The following SLC44A2 variants were observed in gnomAD, a reference collection of about 807,000 sequenced individuals.
SLC44A2 encodes solute carrier family 44 member 2 (CTL2 blood group), also known as choline transporter-like protein 2.
SLC44A2 carries 57 observed loss-of-function variants against 90.8 expected under a neutral mutation model. The ratio of observed to expected loss-of-function variants is 0.63; its 90% CI spans 0.51 to 0.78. The LOEUF (loss-of-function observed/expected upper bound fraction) is 0.78. Ranked by LOEUF, SLC44A2 falls within the 30% of genes least tolerant of loss-of-function variation. The pLI is 0.00. For synonymous variants in SLC44A2, 355 were observed against 360.7 expected (o/e 0.98, Z 0.18); for missense variants, 794 against 919.7 (o/e 0.86, Z 1.77).
At position 10,632,144 on chromosome 19, in the gene SLC44A2, G is replaced by A. The variant is rs1038240829; in HGVS notation, c.811G>A (p.Val271Met). 6.8e-6 allele frequency: 11 copies of A among 1,613,864 alleles called. No homozygotes were observed. The highest frequency in any genetic ancestry group is 2.2e-5 in the South Asian group (2 of 91,078). The change falls in exon 10 of 22, where the codon GTG (valine) becomes ATG (methionine). Residue 271 changes from valine to methionine, a missense_variant. Physicochemically the swap from Val to Met is conservative, Grantham distance 21. This residue lies in a region of SLC44A2 where 738 missense variants were observed against 841.1 expected (regional missense o/e 0.88). Transcript: ENST00000335757. ...GGTGATGATCATCATGGTGATTCTG[G>A]TGCTGGGCTACGGTGCGTCACCCCC... ...VWVMIIMVIL[V>M]LGYGIFHCYM...
At chr19:10,618,557 G>T (rs1288448167) in intron 1 of SLC44A2, among the ~76,000 whole-genome samples, 12 of 123,484 alleles carry the variant, frequency 9.7e-5, no homozygotes, top group East Asian at 2.5e-4. Flanking sequence ...TCGGCTCACT[G>T]CAAGCTCCGC....
intron 1 of SLC44A2, among the ~76,000 whole-genome samples, chr19:10,619,793 A>G (rs984496144): frequency 2.6e-5 from 4 of 152,028 alleles, no homozygotes; most frequent in Non-Finnish European, 1.5e-5. Context: ...CATCTCTACT[A>G]AAATACAAAA....
chr19:10,637,581 G>GGGGAT, intron 16 of SLC44A2, 63 bp from the exon 17 acceptor site: 1 of 1,437,724 alleles, frequency 7.0e-7, no homozygotes, highest in South Asian at 1.1e-5. Context: ...ATAGGGAAGA[G>GGGGAT]GGGATCCCTT....
At chr19:10,636,266 C>G (rs2067052716) in intron 14 of SLC44A2, 57 bp from the exon 15 acceptor site, 1 of 1,560,972 alleles carries the variant, frequency 6.4e-7, no homozygotes, top group African/African-American at 1.4e-5. Context: ...ATGCTCAGAG[C>G]CCACTGTGAA....
chr19:10,635,773 CT>C (rs773477557), intron 14 of SLC44A2: 28,997 of 205,248 alleles, frequency 0.14, 401 homozygotes, highest in South Asian at 0.25. Flanking sequence ...TCCCTACTTC[CT>C]TTTTTTTTTT....
intron 16 of SLC44A2, chr19:10,637,010 T>C (rs1293420925): frequency 6.0e-6 from 3 of 502,130 alleles, no homozygotes; most frequent in Admixed American, 6.9e-5. Flanking sequence ...CATTGGTTAT[T>C]ACCAGAGTGA....
chr19:10,635,514 A>G lies in SLC44A2; in HGVS notation c.1232A>G (p.Glu411Gly). 6.2e-7 allele frequency: 1 copy of G among 1,612,740 alleles called. No homozygotes were observed. The highest frequency in any genetic ancestry group is 8.5e-7 in the Non-Finnish European group (1 of 1,179,666). The change falls in exon 14 of 22, where the codon GAG becomes GGG. Residue 411 changes from glutamate (E) to glycine (G), a missense_variant and splice_region_variant. By Grantham distance (98) the Glu-to-Gly change is moderately conservative. Coordinates refer to ENST00000335757, the MANE Select transcript of SLC44A2 (RefSeq NM_020428.4). ...CPFTAKTCNPETFPSSNESRQ... is the reference protein window; with the variant it reads ...CPFTAKTCNPGTFPSSNESRQ... The stretch of plus-strand genomic sequence containing the variant: ...TTTACTGCGAAAACCTGCAACCCAG[A>G]GGTGGGCGTCCCCGGGGTGGGGAGG...
Position 10,638,183 on chromosome 19 carries a change from A to G in SLC44A2, c.1841-44A>G, listed in dbSNP as rs2067079419. 5 of 1,612,772 alleles carry G rather than the reference A, an allele frequency of 3.1e-6. No individual in the cohort carries two copies. In the Admixed American group the frequency reaches 5.0e-5, roughly 16 times the overall value. The stretch of plus-strand genomic sequence containing the variant: ...TCATCTTCTTAGGAGGCTGTTTCCT[A>G]TATCCAGAACCCTTCGCCATCTTGC... On this transcript the variant is annotated intron_variant, in intron 19 of 21. Coordinates refer to ENST00000335757, the MANE Select transcript of SLC44A2 (RefSeq NM_020428.4).
At chr19:10,632,684 T>G (rs928526896) in intron 10 of SLC44A2, among the ~76,000 whole-genome samples, 12 of 151,946 alleles carry the variant, frequency 7.9e-5, no homozygotes, top group Non-Finnish European at 1.5e-4. Flanking sequence ...TTTCTTTTTT[T>G]TTTTTGAGAC....
chr19:10,623,670 G>A (rs1463656785), upstream of SLC44A2, among the ~76,000 whole-genome samples: 2 of 151,542 alleles, frequency 1.3e-5, no homozygotes, highest in Non-Finnish European at 2.9e-5. Flanking sequence ...GTGAGATCCT[G>A]TCTCTATTTT....
At position 10,634,788 on chromosome 19, in the gene SLC44A2, C is replaced by A. The variant is rs938209803; in HGVS notation, c.856C>A (p.Leu286Met). Residue 286 changes from leucine (L) to methionine (M), a missense_variant, in exon 11 of 22, where the codon CTG becomes ATG. Physicochemically the swap from Leu to Met is conservative, Grantham distance 15. Transcript: ENST00000335757. ...IFHCYMEYSRLRGEAGSDVSL... is the reference protein window; with the variant it reads ...IFHCYMEYSRMRGEAGSDVSL... ...TCACTGCTACATGGAGTACTCCCGA[C>A]TGCGTGGTGAGGCCGGCTCTGATGT... 4 of 1,614,072 alleles carry A rather than the reference C, an allele frequency of 2.5e-6. No homozygotes were observed. Among genetic ancestry groups the A allele is most frequent in the Non-Finnish European group, 3.4e-6 (4 of 1,180,060 alleles).
chr19:10,625,510 G>A (rs949319413), upstream of SLC44A2: 6 of 1,223,784 alleles, frequency 4.9e-6, no homozygotes, highest in Admixed American at 8.5e-5. Context: ...GGGCCGCCCC[G>A]CCTGGCGCTG....
intron 20 of SLC44A2, among the ~76,000 whole-genome samples, chr19:10,639,986 C>T (rs2144889254): frequency 6.6e-6 from 1 of 152,036 alleles, no homozygotes; most frequent in African/African-American, 2.4e-5. Flanking sequence ...TCTTGAAGCC[C>T]ATTGACCTAG....
chr19:10,624,012 G>T (rs2066910695), upstream of SLC44A2, among the ~76,000 whole-genome samples: 1 of 139,382 alleles, frequency 7.2e-6, no homozygotes, highest in Admixed American at 7.3e-5. Flanking sequence ...TTGATTGATT[G>T]ATTTTTTGAG....
chr19:10,638,288 C>T lies in SLC44A2; in HGVS notation c.1902C>T (p.Pro634=). ...GGATCGTGCAGGATACAGCACCACCCCTCAATTATTACTGGGTTCCTATAC... is the reference window on the plus strand; with the variant it reads ...GGATCGTGCAGGATACAGCACCACCTCTCAATTATTACTGGGTTCCTATAC... The part of the protein sequence containing the change: ...RIRIVQDTAP[P]LNYYWVPILT... The change falls in exon 20 of 22, where the codon CCC becomes CCT. Residue 634 remains proline (P), a synonymous_variant. Transcript: ENST00000335757. 1 of 1,614,094 alleles carries T rather than the reference C, an allele frequency of 6.2e-7. No individual in the cohort carries two copies. Among genetic ancestry groups the T allele is most frequent in the Non-Finnish European group, 8.5e-7 (1 of 1,180,004 alleles).
intron 1 of SLC44A2, among the ~76,000 whole-genome samples, chr19:10,618,236 G>A (rs538272185): frequency 2.0e-5 from 3 of 147,522 alleles, no homozygotes; most frequent in African/African-American, 7.6e-5. Context: ...GTGCAGTGTC[G>A]TAGTCTCGGT....
chr19:10,623,228 G>A (rs1296521692), upstream of SLC44A2, among the ~76,000 whole-genome samples: 1 of 152,122 alleles, frequency 6.6e-6, no homozygotes, highest in Non-Finnish European at 1.5e-5. Flanking sequence ...CCCAGGGCAT[G>A]ACCTGGCGCC....
At chr19:10,638,360 G>C in intron 20 of SLC44A2, 45 bp downstream of exon 20, 2 of 1,563,008 alleles carry the variant, frequency 1.3e-6, no homozygotes, top group South Asian at 2.2e-5. Flanking sequence ...AGAAAGAGGT[G>C]TTGGGATTTG....
chr19:10,617,591 CAT>C (rs1474057781), intron 1 of SLC44A2, among the ~76,000 whole-genome samples: 2 of 152,224 alleles, frequency 1.3e-5, no homozygotes, highest in African/African-American at 4.8e-5. Flanking sequence ...GAGACTCCCT[CAT>C]GTGTTCCCTC....
Sources: allele counts gnomAD v4.1 joint callset (sites outside exome capture counted in the v4.1 genomes callset), GRCh38; gene constraint gnomAD v4.1.1; regional missense constraint gnomAD v4.1.1; transcripts MANE v1.5; gene names NCBI Gene and HGNC (gene_info 2026-07-23, HGNC 2026-07-21).